HSF5: variants seen among roughly 807,000 people sequenced by gnomAD.
HSF5 encodes the protein heat shock transcription factor 5.
Under a neutral mutation model 50.8 loss-of-function variants are expected in HSF5, and 5 were observed. That is an observed-to-expected ratio of 0.10 (90% CI 0.05 to 0.21). The LOEUF (loss-of-function observed/expected upper bound fraction) is 0.21. Ranked by LOEUF, HSF5 falls within the 10% of genes least tolerant of loss-of-function variation. The pLI is 1.00. For missense variants in HSF5, 564 were observed against 762.6 expected, an observed-to-expected ratio of 0.74 and a Z score of 3.07; for synonymous variants, 307 against 307.4, an observed-to-expected ratio of 1.00 and a Z score of 0.02.
chr17:58,460,685 A>C (rs1055697029), intron 4 of HSF5, among the ~76,000 whole-genome samples: 9 of 149,402 alleles, frequency 6.0e-5, no homozygotes, highest in Non-Finnish European at 1.2e-4. Context: ...AATTTTTTGT[A>C]TTTTTAGTAG....
At chr17:58,468,801 A>G (rs1974906949) in intron 2 of HSF5, among the ~76,000 whole-genome samples, 1 of 152,158 alleles carries the variant, frequency 6.6e-6, no homozygotes, top group Non-Finnish European at 1.5e-5. Context: ...TAGTTCAGAC[A>G]TAAATATAAA....
At chr17:58,459,004 A>C (rs1974753335) in intron 4 of HSF5, 59 bp from the exon 5 acceptor site, 2 of 1,470,872 alleles carry the variant, frequency 1.4e-6, no homozygotes, top group South Asian at 1.3e-5. Context: ...CTAAAAGTTA[A>C]GATATTTTAT....
intron 5 of HSF5, among the ~76,000 whole-genome samples, chr17:58,426,752 C>G (rs1377231786): frequency 2.6e-5 from 4 of 152,164 alleles, no homozygotes; most frequent in Admixed American, 1.3e-4. Context: ...AATACCATTG[C>G]AGAAATCAGA....
intron 5 of HSF5, among the ~76,000 whole-genome samples, chr17:58,442,912 ATT>A (rs34849070): frequency 1.5e-5 from 2 of 137,114 alleles, no homozygotes; most frequent in African/African-American, 2.7e-5. Context: ...TAATTTTTGC[ATT>A]TTTTTTTTTT....
chr17:58,483,208 C>T (rs1444475055), intron 1 of HSF5, among the ~76,000 whole-genome samples: 7 of 152,156 alleles, frequency 4.6e-5, no homozygotes, highest in Non-Finnish European at 7.3e-5. Flanking sequence ...ATAACTTAAG[C>T]AGCTAATTAA....
At chr17:58,476,659 C>G in intron 2 of HSF5, 1 of 1,568,698 alleles carries the variant, frequency 6.4e-7, no homozygotes, top group Non-Finnish European at 8.8e-7. Flanking sequence ...GTCCTCCTCC[C>G]CAAGCAGTGC....
intron 5 of HSF5, among the ~76,000 whole-genome samples, chr17:58,449,819 C>G (rs1299444165): frequency 6.7e-6 from 1 of 150,328 alleles, no homozygotes; most frequent in South Asian, 2.1e-4. Flanking sequence ...GTCAGGAGAT[C>G]GAGACCATCC....
intron 5 of HSF5, among the ~76,000 whole-genome samples, chr17:58,433,821 T>C (rs935015323): frequency 1.3e-5 from 2 of 150,132 alleles, no homozygotes; most frequent in Non-Finnish European, 2.9e-5. Flanking sequence ...GTAGTTGAAG[T>C]AAGGATATGC....
intron 5 of HSF5, among the ~76,000 whole-genome samples, chr17:58,458,128 A>C (rs554631373): frequency 6.6e-6 from 1 of 152,300 alleles, no homozygotes; most frequent in East Asian, 1.9e-4. Flanking sequence ...TCCACTGCAG[A>C]CTTTGGTAAC....
chr17:58,465,523 T>A (rs971694548), intron 3 of HSF5, among the ~76,000 whole-genome samples: 1 of 151,686 alleles, frequency 6.6e-6, no homozygotes, highest in Admixed American at 6.6e-5. Context: ...TCATGCTTGA[T>A]CATATCAGCC....
chr17:58,430,302 C>G (rs750878030), intron 5 of HSF5, among the ~76,000 whole-genome samples: 1 of 152,108 alleles, frequency 6.6e-6, no homozygotes, highest in Admixed American at 6.5e-5. Flanking sequence ...GAACTCCTGA[C>G]CTCAGATTAT....
At chr17:58,478,330 G>C (rs946024500) in intron 2 of HSF5, among the ~76,000 whole-genome samples, 1 of 147,294 alleles carries the variant, frequency 6.8e-6, no homozygotes, top group African/African-American at 2.5e-5. Flanking sequence ...CACACAATTA[G>C]CCGAGAGTTG....
chr17:58,451,929 C>T (rs1285303853), intron 5 of HSF5, among the ~76,000 whole-genome samples: 3 of 124,650 alleles, frequency 2.4e-5, no homozygotes, highest in Admixed American at 9.0e-5. Flanking sequence ...GCAAACTAAA[C>T]AAGCCTTTAG....
chr17:58,426,872 G>A (rs1018787990), intron 5 of HSF5, among the ~76,000 whole-genome samples: 2 of 152,170 alleles, frequency 1.3e-5, no homozygotes, highest in Non-Finnish European at 2.9e-5. Flanking sequence ...GCCAGTGGCT[G>A]TAATGGATAA....
intron 5 of HSF5, among the ~76,000 whole-genome samples, chr17:58,437,896 A>T (rs554027059): frequency 6.6e-6 from 1 of 152,312 alleles, no homozygotes; most frequent in African/African-American, 2.4e-5. Flanking sequence ...ACCTTTGGGA[A>T]TATACACATT....
At chr17:58,450,908 G>C (rs376154007) in intron 5 of HSF5, among the ~76,000 whole-genome samples, 1 of 151,886 alleles carries the variant, frequency 6.6e-6, no homozygotes, top group Non-Finnish European at 1.5e-5. Context: ...GGCCAACATG[G>C]TGAAATCCTG....
At chr17:58,452,564 CTT>C (rs1974655418) in intron 5 of HSF5, among the ~76,000 whole-genome samples, 1 of 152,196 alleles carries the variant, frequency 6.6e-6, no homozygotes, top group African/African-American at 2.4e-5. Context: ...AATCGCAACA[CTT>C]TGCGATGCTG....
At chr17:58,472,171 A>T (rs189326817) in intron 2 of HSF5, among the ~76,000 whole-genome samples, 4 of 152,030 alleles carry the variant, frequency 2.6e-5, no homozygotes, top group South Asian at 2.1e-4. Flanking sequence ...AGGACCATTT[A>T]AAAAAAACAG....
chr17:58,459,978 C>A (rs747954730), intron 4 of HSF5, among the ~76,000 whole-genome samples: 1 of 152,068 alleles, frequency 6.6e-6, no homozygotes, highest in Non-Finnish European at 1.5e-5. Flanking sequence ...ATTGTATAAG[C>A]TTTAGCCCCT....
Sources: gnomAD v4.1 joint callset for allele counts (sites outside exome capture counted in the v4.1 genomes callset) on GRCh38, gnomAD v4.1.1 for gene constraint, MANE v1.5 for transcripts, NCBI Gene and HGNC (gene_info 2026-07-23, HGNC 2026-07-21) for gene names.